The following MAST4 variants were observed in gnomAD, a reference collection of about 807,000 sequenced individuals.
The protein encoded by MAST4 is microtubule-associated serine/threonine-protein kinase 4.
A neutral mutation model predicts 162.7 loss-of-function variants in MAST4; 89 were observed. That is an observed-to-expected ratio of 0.55 (90% CI 0.46 to 0.65). The LOEUF (loss-of-function observed/expected upper bound fraction) is 0.65, where lower values mean the gene tolerates loss of function less well. Among genes scored for constraint, MAST4 ranks in the 30% least tolerant of loss-of-function variants. The pLI, the probability that MAST4 is intolerant of heterozygous loss-of-function variation, is 0.00. For synonymous variants in MAST4, 1,479 were observed against 1,361.1 expected (o/e 1.09, Z -1.91); for missense variants, 3,153 against 3,374.0 (o/e 0.93, Z 1.62).
intron 4 of MAST4, among the ~76,000 whole-genome samples, chr5:67,051,202 G>A (rs1213790612): frequency 8.6e-5 from 13 of 151,650 alleles, no homozygotes; most frequent in Non-Finnish European, 1.8e-4. Context: ...AAAAAACAAG[G>A]CAGAATTGAC....
At chr5:67,035,206 T>C (rs773143703) in intron 4 of MAST4, among the ~76,000 whole-genome samples, 12 of 152,156 alleles carry the variant, frequency 7.9e-5, no homozygotes, top group Non-Finnish European at 1.2e-4. Flanking sequence ...TGGCTTGGCT[T>C]TGATTAGCGT....
chr5:66,802,672 G>A (rs1005016528), intron 3 of MAST4, among the ~76,000 whole-genome samples: 2 of 152,062 alleles, frequency 1.3e-5, no homozygotes, highest in Admixed American at 6.6e-5. Context: ...ATTTGGGAGT[G>A]TGGAGGATTG....
At chr5:66,921,203 T>A (rs554050764) in intron 4 of MAST4, among the ~76,000 whole-genome samples, 1 of 152,294 alleles carries the variant, frequency 6.6e-6, no homozygotes, top group East Asian at 1.9e-4. Context: ...TAAGGTTATG[T>A]TAGAGCCCCT....
chr5:67,022,907 TCA>T (rs1380990988), intron 4 of MAST4, among the ~76,000 whole-genome samples: 1 of 151,914 alleles, frequency 6.6e-6, no homozygotes, highest in Non-Finnish European at 1.5e-5. Context: ...ATTTCCCCTC[TCA>T]CACACCTAGA....
intron 4 of MAST4, among the ~76,000 whole-genome samples, chr5:66,967,959 G>A (rs1746954279): frequency 6.6e-6 from 1 of 152,082 alleles, no homozygotes; most frequent in Non-Finnish European, 1.5e-5. Flanking sequence ...TTGTATAATG[G>A]TGACATCAGT....
At chr5:66,907,622 G>A (rs1265423671) in intron 4 of MAST4, among the ~76,000 whole-genome samples, 2 of 150,710 alleles carry the variant, frequency 1.3e-5, no homozygotes, top group South Asian at 2.1e-4. Flanking sequence ...GTGTGTGTGT[G>A]TGTGTGTGTG....
chr5:67,023,747 T>A (rs1754278231), intron 4 of MAST4, among the ~76,000 whole-genome samples: 1 of 152,062 alleles, frequency 6.6e-6, no homozygotes, highest in Admixed American at 6.6e-5. Flanking sequence ...GTAATTATGA[T>A]GTGATATTTT....
chr5:66,646,453 G>C (rs1224833375), intron 1 of MAST4, among the ~76,000 whole-genome samples: 1 of 152,046 alleles, frequency 6.6e-6, no homozygotes, highest in African/African-American at 2.4e-5. Context: ...CTCTTCAATT[G>C]CTAGGCTTAA....
intron 3 of MAST4, among the ~76,000 whole-genome samples, chr5:66,812,591 A>T (rs1428473533): frequency 6.6e-6 from 1 of 152,198 alleles, no homozygotes; most frequent in Non-Finnish European, 1.5e-5. Flanking sequence ...AAAGCGGAAA[A>T]ATAGAAATGC....
chr5:67,135,437 C>G lies in MAST4; in HGVS notation c.2392+749C>G, dbSNP rs112140476. Among the ~76,000 whole-genome samples, 614 of 152,314 alleles carry G rather than the reference C, an allele frequency of 4.0e-3. 3 individuals are homozygous for G. The highest frequency in any genetic ancestry group is 5.7e-3 in the Non-Finnish European group (386 of 68,022). ...CTCATCTTGAAAGTTTGTCAGGCATCACTGACATCTTTATCAGCCACGTAC... is the reference window on the plus strand; with the variant it reads ...CTCATCTTGAAAGTTTGTCAGGCATGACTGACATCTTTATCAGCCACGTAC... On this transcript the variant is annotated intron_variant, in intron 18 of 28. Coordinates refer to ENST00000403625, the MANE Select transcript of MAST4 (RefSeq NM_001164664.2).
chr5:67,080,328 GTTCT>G (rs1179585734), intron 5 of MAST4, among the ~76,000 whole-genome samples: 1 of 152,144 alleles, frequency 6.6e-6, no homozygotes, highest in Non-Finnish European at 1.5e-5. Flanking sequence ...ACCCTGTCAT[GTTCT>G]TTAAGAGAAT....
At chr5:67,051,327 A>C (rs1292577437) in intron 4 of MAST4, among the ~76,000 whole-genome samples, 2 of 152,056 alleles carry the variant, frequency 1.3e-5, no homozygotes, top group Non-Finnish European at 2.9e-5. Context: ...ACCTGGAGAG[A>C]CTGCCTGACG....
intron 4 of MAST4, among the ~76,000 whole-genome samples, chr5:66,981,931 TTCTTAC>T (rs1748898011): frequency 6.6e-6 from 1 of 152,226 alleles, no homozygotes; most frequent in Non-Finnish European, 1.5e-5. Flanking sequence ...AATGAGATCA[TTCTTAC>T]TCTTTGTTTA....
intron 4 of MAST4, among the ~76,000 whole-genome samples, chr5:66,917,849 T>C (rs1764221427): frequency 6.6e-6 from 1 of 152,156 alleles, no homozygotes; most frequent in Non-Finnish European, 1.5e-5. Context: ...TTTTACACTT[T>C]CATGACTTTT....
intron 4 of MAST4, among the ~76,000 whole-genome samples, chr5:67,029,352 A>G (rs1755039882): frequency 6.6e-6 from 1 of 152,268 alleles, no homozygotes; most frequent in South Asian, 2.1e-4. Flanking sequence ...AAGACAAGCC[A>G]TAGAGCCATC....
Position 67,134,615 on chromosome 5 carries a change from C to A in MAST4, c.2319C>A (p.Leu773=). ...ACTGGTGGGCCATGGGGATTATCCTCTATGAATTTCTGGTTGGATGCGTGC... is the reference window on the plus strand; with the variant it reads ...ACTGGTGGGCCATGGGGATTATCCTATATGAATTTCTGGTTGGATGCGTGC... ...PVDWWAMGII[L]YEFLVGCVPF... is the part of the protein sequence containing the mutation. The change falls in exon 18 of 29, where the codon CTC becomes CTA. Residue 773 remains leucine (L), a synonymous_variant. Coordinates refer to ENST00000403625, the MANE Select transcript of MAST4 (RefSeq NM_001164664.2). 1 of 1,613,666 alleles carries A rather than the reference C, an allele frequency of 6.2e-7. No homozygotes were observed. The highest frequency in any genetic ancestry group is 1.1e-5 in the South Asian group (1 of 91,062).
chr5:67,157,829 T>C (rs2151100171), intron 26 of MAST4, among the ~76,000 whole-genome samples: 1 of 152,296 alleles, frequency 6.6e-6, no homozygotes, highest in South Asian at 2.1e-4. Context: ...TTCTAGGCCA[T>C]GAGGGTGAAA....
intron 1 of MAST4, among the ~76,000 whole-genome samples, chr5:66,703,604 T>A (rs1749921766): frequency 6.6e-6 from 1 of 152,184 alleles, no homozygotes; most frequent in African/African-American, 2.4e-5. Flanking sequence ...GGATATACTT[T>A]ATACACATAA....
intron 1 of MAST4, among the ~76,000 whole-genome samples, chr5:66,743,851 G>T (rs926419595): frequency 1.3e-5 from 2 of 152,030 alleles, no homozygotes; most frequent in African/African-American, 4.8e-5. Flanking sequence ...TATTACAATT[G>T]CATATTATGT....
Sources: gnomAD v4.1 joint callset for allele counts (sites outside exome capture counted in the v4.1 genomes callset) on GRCh38, gnomAD v4.1.1 for gene constraint, MANE v1.5 for transcripts, NCBI Gene and HGNC (gene_info 2026-07-23, HGNC 2026-07-21) for gene names.